CCSER1: variants seen among roughly 807,000 people sequenced by gnomAD.
CCSER1 encodes coiled-coil serine rich protein 1, also known as serine-rich coiled-coil domain-containing protein 1.
Under a neutral mutation model 82.0 loss-of-function variants are expected in CCSER1, and 41 were observed. The ratio of observed to expected loss-of-function variants is 0.50; its 90% confidence interval spans 0.39 to 0.65. The LOEUF is 0.65. Among genes scored for constraint, CCSER1 ranks in the 30% least tolerant of loss-of-function variants. The pLI, the probability that CCSER1 is intolerant of heterozygous loss-of-function variation, is 0.00. For missense variants in CCSER1, 1,119 were observed against 1,064.2 expected (o/e 1.05, Z -0.72); for synonymous variants, 414 against 383.9 (o/e 1.08, Z -0.92).
At chr4:91,058,361 G>A (rs1743639880) in intron 9 of CCSER1, among the ~76,000 whole-genome samples, 1 of 151,960 alleles carries the variant, frequency 6.6e-6, no homozygotes, top group Admixed American at 6.6e-5. Context: ...AGAGCTAAAG[G>A]CCATTATCCT....
At chr4:90,728,482 G>A (rs980747585) in intron 7 of CCSER1, among the ~76,000 whole-genome samples, 1 of 152,152 alleles carries the variant, frequency 6.6e-6, no homozygotes, top group Non-Finnish European at 1.5e-5. Context: ...TATGCACAGA[G>A]CCACTTTGCT....
chr4:90,793,350 A>C (rs895728903), intron 7 of CCSER1, among the ~76,000 whole-genome samples: 1 of 152,066 alleles, frequency 6.6e-6, no homozygotes, highest in African/African-American at 2.4e-5. Flanking sequence ...GCAGCCTCCA[A>C]TAGGCCCCAG....
chr4:90,267,173 G>A (rs1234795755), intron 1 of CCSER1, among the ~76,000 whole-genome samples: 1 of 151,942 alleles, frequency 6.6e-6, no homozygotes, highest in Non-Finnish European at 1.5e-5. Context: ...GAGTACTTGG[G>A]CCTTACTTCA....
rs1242109454 is a variant in CCSER1, at chr4:91,572,003, AGGCAGT to A, written c.2218-26563_2218-26558del. 3.3e-5 allele frequency among the ~76,000 whole-genome samples: 5 copies of A among 152,186 alleles called. No individual in the cohort carries two copies. In the South Asian group the frequency reaches 8.3e-4, roughly 25 times the overall value. On this transcript the variant is annotated intron_variant, in intron 10 of 10. Coordinates refer to ENST00000509176, the MANE Select transcript of CCSER1 (RefSeq NM_001145065.2). The stretch of plus-strand genomic sequence containing the variant: ...GGTGGCAAGCGCAGTTCTGCAGCAG[AGGCAGT>A]GGCAGAGAGGCTTTCAATTGCCCGT...
chr4:90,253,565 G>A (rs1490975918), intron 1 of CCSER1, among the ~76,000 whole-genome samples: 1 of 151,868 alleles, frequency 6.6e-6, no homozygotes, highest in Non-Finnish European at 1.5e-5. Flanking sequence ...TATTGTTATT[G>A]GGGTTCCTTA....
intron 1 of CCSER1, among the ~76,000 whole-genome samples, chr4:90,278,546 C>T (rs1728292275): frequency 6.6e-6 from 1 of 151,938 alleles, no homozygotes. Flanking sequence ...CAGCTGAAGG[C>T]CATTATCCTA....
chr4:91,031,627 C>A (rs1039278245), intron 9 of CCSER1, among the ~76,000 whole-genome samples: 1 of 151,994 alleles, frequency 6.6e-6, no homozygotes, highest in African/African-American at 2.4e-5. Context: ...AAATGTAGAT[C>A]CATTGAAGTC....
chr4:91,000,539 T>C (rs1737943606), intron 9 of CCSER1, among the ~76,000 whole-genome samples: 1 of 152,130 alleles, frequency 6.6e-6, no homozygotes, highest in African/African-American at 2.4e-5. Context: ...ACAATATAGA[T>C]TCTTGAATTT....
rs116202861 is a variant in CCSER1 at position 90,521,736 on chromosome 4, T to C, written c.1724+53382T>C. The stretch of plus-strand genomic sequence containing the variant: ...TGCCCCAGAATATCATAAATAAAAC[T>C]ACTGACTTATTTTCTTTATGTTTTC... On this transcript the variant is annotated intron_variant, in intron 5 of 10. Coordinates refer to ENST00000509176, the MANE Select transcript of CCSER1 (RefSeq NM_001145065.2). 7.6e-3 allele frequency among the ~76,000 whole-genome samples: 1,154 copies of C among 152,220 alleles called. 6 individuals are homozygous for C. The highest frequency in any genetic ancestry group is 0.019 in the African/African-American group (786 of 41,534).
intron 8 of CCSER1, among the ~76,000 whole-genome samples, chr4:90,894,658 C>T (rs987819515): frequency 1.3e-5 from 2 of 151,818 alleles, no homozygotes; most frequent in Admixed American, 6.6e-5. Flanking sequence ...CCATTTCTTT[C>T]CTCCTCCTTC....
intron 7 of CCSER1, among the ~76,000 whole-genome samples, chr4:90,766,468 A>C (rs1456322291): frequency 6.6e-6 from 1 of 151,860 alleles, no homozygotes; most frequent in Non-Finnish European, 1.5e-5. Context: ...TATTTAGTGA[A>C]TATACAAAGA....
At chr4:90,748,067 G>A (rs1438364246) in intron 7 of CCSER1, among the ~76,000 whole-genome samples, 1 of 140,828 alleles carries the variant, frequency 7.1e-6, no homozygotes, top group Non-Finnish European at 1.5e-5. Context: ...TTAAGTTTTA[G>A]GGTACATGTG....
intron 1 of CCSER1, among the ~76,000 whole-genome samples, chr4:90,288,713 C>G (rs1211094880): frequency 6.6e-6 from 1 of 151,918 alleles, no homozygotes; most frequent in Non-Finnish European, 1.5e-5. Context: ...TAACTAATTT[C>G]TCAATTCTCA....
At chr4:90,957,398 C>A (rs1202451764) in intron 9 of CCSER1, among the ~76,000 whole-genome samples, 2 of 145,968 alleles carry the variant, frequency 1.4e-5, no homozygotes, top group Admixed American at 7.0e-5. Context: ...CCGTGCCTAG[C>A]CCCAGCCTGA....
At chr4:90,506,933 T>C (rs1207613847) in intron 5 of CCSER1, among the ~76,000 whole-genome samples, 2 of 152,156 alleles carry the variant, frequency 1.3e-5, no homozygotes, top group Non-Finnish European at 2.9e-5. Flanking sequence ...TTGGTTCTGT[T>C]CCTAAAAAAT....
At chr4:91,360,148 G>C (rs1246459989) in intron 10 of CCSER1, among the ~76,000 whole-genome samples, 3 of 151,726 alleles carry the variant, frequency 2.0e-5, no homozygotes, top group Non-Finnish European at 4.4e-5. Flanking sequence ...AGAGTATTTA[G>C]AAATCCTGAG....
In CCSER1 at chr4:90,829,102, G is replaced by C. The variant is rs541500228; in HGVS notation, c.2094+13257G>C. 2.0e-5 allele frequency among the ~76,000 whole-genome samples: 3 copies of C among 152,192 alleles called. No individual in the cohort carries two copies. In the East Asian group the frequency reaches 5.8e-4, roughly 29 times the overall value. On this transcript the variant is annotated intron_variant, in intron 8 of 10. Coordinates refer to ENST00000509176, the MANE Select transcript of CCSER1 (RefSeq NM_001145065.2). ...ATGATCCAAAGACAAGTAGTCAAGA[G>C]AAATTATAGAAGTAAAAAGATAGGG...
chr4:91,508,300 A>C (rs1187083102), intron 10 of CCSER1, among the ~76,000 whole-genome samples: 1 of 113,412 alleles, frequency 8.8e-6, no homozygotes, highest in African/African-American at 3.3e-5. Flanking sequence ...TCTTGAGTAC[A>C]CCCAATATAA....
intron 8 of CCSER1, among the ~76,000 whole-genome samples, chr4:90,845,627 G>A (rs966883615): frequency 6.6e-6 from 1 of 152,072 alleles, no homozygotes; most frequent in African/African-American, 2.4e-5. Flanking sequence ...ATCAGAACTA[G>A]GAGTGAAAGG....
Sources: gnomAD v4.1 joint callset for allele counts (sites outside exome capture counted in the v4.1 genomes callset) on GRCh38, gnomAD v4.1.1 for gene constraint, MANE v1.5 for transcripts, NCBI Gene and HGNC (gene_info 2026-07-23, HGNC 2026-07-21) for gene names.